MCMDC2: variants seen among roughly 807,000 people sequenced by gnomAD.
MCMDC2 encodes the protein minichromosome maintenance domain-containing protein 2.
In MCMDC2, 54 loss-of-function variants were observed where a neutral mutation model predicts 75.8. The ratio of observed to expected loss-of-function variants is 0.71; its 90% CI spans 0.57 to 0.89. MCMDC2 has a LOEUF of 0.89. Among genes scored for constraint, MCMDC2 ranks in the 40% least tolerant of loss-of-function variants. The pLI is 0.00. For synonymous variants in MCMDC2, 249 were observed against 274.6 expected, an observed-to-expected ratio of 0.91 and a Z score of 0.92; for missense variants, 656 against 780.4, an observed-to-expected ratio of 0.84 and a Z score of 1.90.
At chr8:66,905,067 GA>G (rs1332268615) in intron 13 of MCMDC2, among the ~76,000 whole-genome samples, 158 bp from the exon 14 acceptor site, 3 of 151,688 alleles carry the variant, frequency 2.0e-5, no homozygotes, top group East Asian at 1.9e-4. Flanking sequence ...AGTCGGTGGG[GA>G]AAAAAAATCC....
chr8:66,893,025 T>G (rs2130827806), intron 10 of MCMDC2, among the ~76,000 whole-genome samples: 1 of 152,142 alleles, frequency 6.6e-6, no homozygotes, highest in Non-Finnish European at 1.5e-5. Flanking sequence ...GTCTGTAGGG[T>G]TTTTTCCTTA....
At chr8:66,917,344 G>T (rs1357454924) in intron 14 of MCMDC2, among the ~76,000 whole-genome samples, 1 of 152,110 alleles carries the variant, frequency 6.6e-6, no homozygotes, top group Admixed American at 6.5e-5. Flanking sequence ...TTAAGTACTT[G>T]TTCAATGAAT....
chr8:66,911,642 G>C (rs1383115475), intron 14 of MCMDC2, among the ~76,000 whole-genome samples: 1 of 152,064 alleles, frequency 6.6e-6, no homozygotes, highest in African/African-American at 2.4e-5. Flanking sequence ...TGGCCAAGAT[G>C]ATGAAACCCT....
chr8:66,913,179 A>C (rs1178226723), intron 14 of MCMDC2, among the ~76,000 whole-genome samples: 4 of 152,218 alleles, frequency 2.6e-5, no homozygotes, highest in Non-Finnish European at 5.9e-5. Context: ...GCAGAGGATG[A>C]TTTTTAGCAT....
chr8:66,902,708 AAAAAT>A lies in MCMDC2; in HGVS notation c.1769+1362_1769+1366del, dbSNP rs1203025955. Among the ~76,000 whole-genome samples, 193 of 121,796 alleles carry A rather than the reference AAAAAT, an allele frequency of 1.6e-3. 1 individual carries two copies. The highest frequency in any genetic ancestry group is 6.0e-3 in the African/African-American group (177 of 29,396). The allele number at this position is 121,796 out of a possible 152,430, so 79.9% of individuals were successfully genotyped here. A position where few individuals can be genotyped will look rare whatever the true frequency, so the allele number is the denominator to read the frequency against. On this transcript the variant is annotated intron_variant, in intron 13 of 14. Coordinates refer to ENST00000422365, the MANE Select transcript of MCMDC2 (RefSeq NM_173518.5). ...ATTCTGTCTCAAAAAAAAAAAAAAA[AAAAAT>A]ATATATATATATATATATATATATA...
intron 12 of MCMDC2, among the ~76,000 whole-genome samples, chr8:66,897,218 C>G (rs1262386030): frequency 1.3e-5 from 2 of 151,806 alleles, no homozygotes; most frequent in African/African-American, 4.8e-5. Context: ...ACCAGCCTGG[C>G]CAACACAGTG....
intron 14 of MCMDC2, 41 bp from the exon 15 acceptor site, chr8:66,918,962 G>T: frequency 7.3e-7 from 1 of 1,361,690 alleles, no homozygotes; most frequent in East Asian, 2.8e-5. Flanking sequence ...GTCATTTTAA[G>T]GAGTATTTGT....
intron 14 of MCMDC2, among the ~76,000 whole-genome samples, chr8:66,908,942 GAC>G (rs1422119638): frequency 1.3e-5 from 2 of 152,106 alleles, no homozygotes; most frequent in Admixed American, 6.6e-5. Context: ...CTTAGTGACT[GAC>G]ACAGTTAGGC....
Position 66,914,855 on chromosome 8 carries a change from G to T in MCMDC2, c.1880-4148G>T, listed in dbSNP as rs181052855. Among the ~76,000 whole-genome samples, 68 of 152,142 alleles carry T rather than the reference G, an allele frequency of 4.5e-4. No individual in the cohort carries two copies. In the East Asian group the frequency reaches 0.01, roughly 23 times the overall value. On this transcript the variant is annotated intron_variant, in intron 14 of 14. Transcript: ENST00000422365. ...ACACGTTAGATGCACAAACCAATAG[G>T]TTGTGCTCATGAACTAGATTTAAGA... is the stretch of plus-strand genomic sequence containing the variant.
chr8:66,874,086 A>G lies in MCMDC2; in HGVS notation c.-55A>G, dbSNP rs1811153536. 1.5e-6 allele frequency: 2 copies of G among 1,307,082 alleles called. No individual in the cohort carries two copies. The highest frequency in any genetic ancestry group is 4.7e-5 in the Admixed American group (2 of 42,766). 81.0% of individuals were successfully genotyped at this position (1,307,082 alleles called of 1,614,324 possible). ...ATCCTTTCTATGAGTTTCGCCATCT[A>G]TAGCTTTTATCAACAATTGTGGTTT... On this transcript the variant is annotated 5_prime_UTR_variant, in exon 2 of 15. Transcript: ENST00000422365.
chr8:66,883,262 T>G (rs16933094), intron 8 of MCMDC2, among the ~76,000 whole-genome samples: 10,095 of 152,222 alleles, frequency 0.066, 402 homozygotes, highest in African/African-American at 0.11. Flanking sequence ...ATATTTCCCA[T>G]TCTGCTTATT....
chr8:66,896,722 C>CA, intron 11 of MCMDC2, 58 bp from the exon 12 acceptor site: 2 of 1,266,210 alleles, frequency 1.6e-6, no homozygotes, highest in Non-Finnish European at 2.1e-6. Context: ...TTAATTATTT[C>CA]CAAATTGTGA....
intron 13 of MCMDC2, 149 bp from the exon 14 acceptor site, chr8:66,905,077 C>A: frequency 2.0e-6 from 1 of 496,496 alleles, no homozygotes; most frequent in Non-Finnish European, 3.0e-6. Flanking sequence ...GAAAAAAAAT[C>A]CTTTGAAAAG....
chr8:66,886,158 CTT>C (rs775562349), intron 9 of MCMDC2, among the ~76,000 whole-genome samples: 12 of 123,440 alleles, frequency 9.7e-5, no homozygotes, highest in African/African-American at 1.2e-4. Context: ...ATATGTATAA[CTT>C]TTTTTTTTTT....
intron 10 of MCMDC2, among the ~76,000 whole-genome samples, chr8:66,893,587 A>G (rs1377203996): frequency 1.3e-5 from 2 of 152,108 alleles, no homozygotes; most frequent in Non-Finnish European, 2.9e-5. Context: ...ATCTTGTGAG[A>G]CTTATTCATT....
rs962749287 is a variant in MCMDC2 at position 66,879,042 on chromosome 8, G to C, written c.709+123G>C. Reference sequence around the variant, plus strand: ...AGGCTGAGGTGGGAGGATCACTTGAGGCCAGGAGTTTGAGACTAGCTTAAG... The same window carrying C: ...AGGCTGAGGTGGGAGGATCACTTGACGCCAGGAGTTTGAGACTAGCTTAAG... On this transcript the variant is annotated intron_variant, in intron 7 of 14. Transcript: ENST00000422365. 3 of 665,154 alleles carry C rather than the reference G, an allele frequency of 4.5e-6. No homozygotes were observed. The African/African-American group carries it at 5.6e-5, about 12-fold the overall frequency. The allele number at this position is 665,154 out of a possible 1,614,324, so 41.2% of individuals were successfully genotyped here. A position where few individuals can be genotyped will look rare whatever the true frequency, so the allele number is the denominator to read the frequency against.
At chr8:66,882,965 C>T (rs1354543855) in intron 8 of MCMDC2, among the ~76,000 whole-genome samples, 2 of 152,138 alleles carry the variant, frequency 1.3e-5, no homozygotes, top group African/African-American at 4.8e-5. Context: ...TATTTAACTA[C>T]CCAAATGTGG....
chr8:66,897,236 G>A (rs1437142421), intron 12 of MCMDC2, among the ~76,000 whole-genome samples: 4 of 151,684 alleles, frequency 2.6e-5, no homozygotes, highest in African/African-American at 7.3e-5. Flanking sequence ...GTGAAACCCC[G>A]TCTCTACCAA....
Position 66,883,966 on chromosome 8 carries a change from A to ATT in MCMDC2, c.1046_1047insTT (p.Thr350Ter). 1.9e-6 allele frequency: 3 copies of ATT among 1,612,170 alleles called. No individual in the cohort carries two copies. The highest frequency in any genetic ancestry group is 2.5e-6 in the Non-Finnish European group (3 of 1,178,430). Reference sequence around the variant, plus strand: ...GGAAGATTGCCTGGATATTTTAATTATAACAAGTGATACTCTACTCATAGA... The same window carrying ATT: ...GGAAGATTGCCTGGATATTTTAATTATTTAACAAGTGATACTCTACTCATAGA... On this transcript the variant is annotated frameshift_variant, in exon 9 of 15. Coordinates refer to ENST00000422365, the MANE Select transcript of MCMDC2 (RefSeq NM_173518.5). LOFTEE classifies it high-confidence loss of function.
Sources: gnomAD v4.1 joint callset for allele counts (sites outside exome capture counted in the v4.1 genomes callset) on GRCh38, gnomAD v4.1.1 for gene constraint, MANE v1.5 for transcripts, NCBI Gene and HGNC (gene_info 2026-07-23, HGNC 2026-07-21) for gene names.